The following SLC22A25 variants were observed in gnomAD, a reference collection of about 807,000 sequenced individuals.
SLC22A25 encodes MGI:2442751, MGI:2385316, MGI:3042283, MGI:3645714, MGI:3605624, MGI:2442750.
A neutral mutation model predicts 45.9 loss-of-function variants in SLC22A25; 44 were observed. The observed-to-expected ratio is 0.96, with a 90% CI of 0.75 to 1.23. The LOEUF (loss-of-function observed/expected upper bound fraction) is 1.23, where lower values mean the gene tolerates loss of function less well. Ranked by LOEUF, SLC22A25 falls within the 50% of genes most tolerant of loss-of-function variation. The probability of loss-of-function intolerance (pLI) is 0.00; values close to 1 mark genes in which losing one functional copy is unlikely to be tolerated. For synonymous variants in SLC22A25, 283 were observed against 238.6 expected (o/e 1.19, Z -1.72); for missense variants, 800 against 666.4 (o/e 1.20, Z -2.21).
chr11:63,217,183 T>G (rs1590886944), intron 7 of SLC22A25, 131 bp downstream of exon 7: 2 of 942,468 alleles, frequency 2.1e-6, no homozygotes, highest in Non-Finnish European at 2.9e-6. Context: ...CTTCTTGAAT[T>G]GCATATTTAG....
chr11:63,194,594 C>T (rs1364102896), intron 7 of SLC22A25, among the ~76,000 whole-genome samples: 1 of 152,126 alleles, frequency 6.6e-6, no homozygotes, highest in Non-Finnish European at 1.5e-5. Context: ...CAACGGGTAT[C>T]AGCCACTGCA....
intron 9 of SLC22A25, among the ~76,000 whole-genome samples, chr11:63,172,047 G>T (rs1458962514): frequency 6.6e-6 from 1 of 152,144 alleles, no homozygotes; most frequent in Non-Finnish European, 1.5e-5. Flanking sequence ...AATGGGGAAA[G>T]GATATCCTAT....
Position 63,166,461 on chromosome 11 carries a change from G to A in SLC22A25, c.1071-203C>T, listed in dbSNP as rs1042036767. The A allele has an allele frequency of 1.1e-5, 15 of 1,401,694 alleles. No individual in the cohort carries two copies. In the East Asian group the frequency reaches 2.6e-4, roughly 25 times the overall value. 86.8% of individuals were successfully genotyped at this position (1,401,694 alleles called of 1,614,324 possible). On this transcript the variant is annotated intron_variant, in intron 9 of 11. Transcript: ENST00000306494. ...GATAGTGGTAACAATTGTATCTTGA[G>A]GGACAACAGATGTTGTATGGAGGAT...
chr11:63,166,041 C>T lies in SLC22A25; in HGVS notation c.1285+3G>A, dbSNP rs766282506. On this transcript the variant is annotated splice_donor_region_variant and intron_variant, in intron 10 of 11. Coordinates refer to ENST00000306494, the MANE Select transcript of SLC22A25 (RefSeq NM_199352.6). ...CTTTCTTCCACCTGTGAACTTTTCT[C>T]ACCTTGAGGCACAAATATGATGGCC... 8 of 1,613,082 alleles carry T rather than the reference C, an allele frequency of 5.0e-6. No homozygotes were observed. The African/African-American group carries it at 9.3e-5, about 19-fold the overall frequency.
chr11:63,224,508 CT>C (rs2089917438), intron 5 of SLC22A25, among the ~76,000 whole-genome samples: 1 of 151,984 alleles, frequency 6.6e-6, no homozygotes, highest in Non-Finnish European at 1.5e-5. Context: ...TCTCTTTCTT[CT>C]TTTTTTCCTT....
intron 7 of SLC22A25, among the ~76,000 whole-genome samples, chr11:63,212,419 A>C (rs1262320429): frequency 1.3e-5 from 2 of 152,180 alleles, no homozygotes; most frequent in East Asian, 1.9e-4. Flanking sequence ...AACCAACCCA[A>C]ATGTCCACCA....
At position 63,160,870 on chromosome 11, in the gene SLC22A25, C is replaced by G. The variant is rs781544670; in HGVS notation, c.*2954G>C. On this transcript the variant is annotated 3_prime_UTR_variant, in exon 12 of 12. Transcript: ENST00000306494. ...CTTTGGAGCTTTAAGATTGGACTTCCCTGCTGGATTTTGGAATTGTATGGG... is the reference window on the plus strand; with the variant it reads ...CTTTGGAGCTTTAAGATTGGACTTCGCTGCTGGATTTTGGAATTGTATGGG... Among the ~76,000 whole-genome samples, 21 of 152,010 alleles carry G rather than the reference C, an allele frequency of 1.4e-4. No individual in the cohort carries two copies. Among genetic ancestry groups the G allele is most frequent in the Non-Finnish European group, 2.2e-4 (15 of 68,002 alleles).
rs201321403 is a variant in SLC22A25 at position 63,180,747 on chromosome 11, A to G, written c.983T>C (p.Leu328Pro). 2.9e-4 allele frequency: 472 copies of G among 1,613,126 alleles called. 1 individual carries two copies. Among genetic ancestry groups the G allele is most frequent in the Middle Eastern group, 2.2e-3 (13 of 6,044 alleles). Residue 328 changes from leucine (L) to proline (P), a missense_variant, in exon 9 of 12, where the codon CTG (leucine) becomes CCG (proline). Transcript: ENST00000306494. ...EVLKSTMKQE[L>P]EAAQKKHSLC... ...AGAATGCTTTTTCTGTGCTGCCTCC[A>G]GTTCTTGCTTCATGGTGGATTTCAA...
intron 7 of SLC22A25, among the ~76,000 whole-genome samples, chr11:63,208,469 A>G (rs1381257396): frequency 2.6e-5 from 4 of 152,148 alleles, no homozygotes; most frequent in Non-Finnish European, 5.9e-5. Flanking sequence ...GGATCTGGAG[A>G]CAGGAACTGG....
chr11:63,198,407 CATATCCTTT>C (rs2089129370), intron 7 of SLC22A25, among the ~76,000 whole-genome samples: 1 of 152,010 alleles, frequency 6.6e-6, no homozygotes, highest in Admixed American at 6.6e-5. Context: ...AGGATGACTT[CATATCCTTT>C]GTAGGAACAT....
Position 63,166,622 on chromosome 11 carries a change from G to A in SLC22A25, c.1071-364C>T, listed in dbSNP as rs573652103. Reference sequence around the variant, plus strand: ...AAAATATACAATTAAAAATAAAAATGTACTGATGTCAGTCAAACTCACAGT... The same window carrying A: ...AAAATATACAATTAAAAATAAAAATATACTGATGTCAGTCAAACTCACAGT... On this transcript the variant is annotated intron_variant, in intron 9 of 11. Coordinates refer to ENST00000306494, the MANE Select transcript of SLC22A25 (RefSeq NM_199352.6). The A allele has an allele frequency of 1.9e-5, 19 of 1,023,030 alleles. No individual in the cohort carries two copies. In the African/African-American group the frequency reaches 2.6e-4, roughly 14 times the overall value. The allele number at this position is 1,023,030 out of a possible 1,614,324, so 63.4% of individuals were successfully genotyped here.
intron 7 of SLC22A25, among the ~76,000 whole-genome samples, chr11:63,202,867 A>T (rs1242933092): frequency 6.6e-6 from 1 of 152,210 alleles, no homozygotes; most frequent in Non-Finnish European, 1.5e-5. Flanking sequence ...ACAGGGAGAC[A>T]CTTCCCAGCA....
intron 5 of SLC22A25, among the ~76,000 whole-genome samples, chr11:63,226,755 C>A (rs2089970078): frequency 6.6e-6 from 1 of 152,230 alleles, no homozygotes; most frequent in African/African-American, 2.4e-5. Flanking sequence ...TGGCCCCAGG[C>A]AAATCCAGAG....
chr11:63,241,225 T>C (rs2090242691), intron 1 of SLC22A25, among the ~76,000 whole-genome samples: 1 of 152,212 alleles, frequency 6.6e-6, no homozygotes, highest in African/African-American at 2.4e-5. Context: ...AAAACAGGCC[T>C]GAAGCCATTC....
At chr11:63,222,113 G>A (rs940096131) in intron 5 of SLC22A25, among the ~76,000 whole-genome samples, 2 of 152,028 alleles carry the variant, frequency 1.3e-5, no homozygotes, top group Admixed American at 1.3e-4. Flanking sequence ...GCTATTCTGG[G>A]TCTTTTGTGG....
At chr11:63,233,645 C>T (rs2090112235) in intron 3 of SLC22A25, among the ~76,000 whole-genome samples, 1 of 152,098 alleles carries the variant, frequency 6.6e-6, no homozygotes, top group Non-Finnish European at 1.5e-5. Flanking sequence ...TTCAGTTCTG[C>T]TCTGATCTTA....
rs1027042432 is a variant in SLC22A25, at chr11:63,159,760, C to T, written c.*4064G>A. On this transcript the variant is annotated 3_prime_UTR_variant, in exon 12 of 12. Coordinates refer to ENST00000306494, the MANE Select transcript of SLC22A25 (RefSeq NM_199352.6). ...GAAAATGTTGGAAAGTTTGGAACTTCCTAGAGACTTGTTGAATGGCTTTGA... is the reference window on the plus strand; with the variant it reads ...GAAAATGTTGGAAAGTTTGGAACTTTCTAGAGACTTGTTGAATGGCTTTGA... Among the ~76,000 whole-genome samples, 1 of 152,166 alleles carries T rather than the reference C, an allele frequency of 6.6e-6. No homozygotes were observed. Among genetic ancestry groups the T allele is most frequent in the Non-Finnish European group, 1.5e-5 (1 of 68,034 alleles).
intron 9 of SLC22A25, among the ~76,000 whole-genome samples, chr11:63,173,868 G>A (rs2087982466): frequency 1.3e-5 from 2 of 151,300 alleles, no homozygotes; most frequent in South Asian, 4.2e-4. Flanking sequence ...GAAGAACTAG[G>A]GGCTAGCTAT....
intron 7 of SLC22A25, among the ~76,000 whole-genome samples, chr11:63,213,193 G>A (rs1445124292): frequency 6.6e-6 from 1 of 152,120 alleles, no homozygotes; most frequent in Non-Finnish European, 1.5e-5. Flanking sequence ...CTCCCTTATA[G>A]CAAGGCTCCT....
Sources: allele counts gnomAD v4.1 joint callset (sites outside exome capture counted in the v4.1 genomes callset), GRCh38; gene constraint gnomAD v4.1.1; transcripts MANE v1.5; gene names NCBI Gene and HGNC (gene_info 2026-07-23, HGNC 2026-07-21).